Variants in WDR76 observed in about 807,000 individuals in gnomAD.
The protein encoded by WDR76 is WD repeat domain 76.
WDR76 carries 52 observed loss-of-function variants against 70.2 expected under a neutral mutation model. The observed-to-expected ratio is 0.74, with a 90% CI of 0.59 to 0.93. WDR76 has a LOEUF of 0.93. WDR76 is among the 40% of genes least tolerant of loss of function. The pLI, the probability that WDR76 is intolerant of heterozygous loss-of-function variation, is 0.00. For missense variants in WDR76, 756 were observed against 760.2 expected (o/e 0.99, Z 0.07); for synonymous variants, 292 against 271.1 (o/e 1.08, Z -0.76).
intron 8 of WDR76, 94 bp downstream of exon 8, chr15:43,844,148 G>C (rs992311560): frequency 1.7e-6 from 2 of 1,188,328 alleles, no homozygotes; most frequent in Admixed American, 2.9e-5. Context: ...TAAATGTTGC[G>C]TGAGACTTAC....
chr15:43,828,755 G>C (rs2087549606), intron 2 of WDR76, among the ~76,000 whole-genome samples: 1 of 152,118 alleles, frequency 6.6e-6, no homozygotes, highest in South Asian at 2.1e-4. Flanking sequence ...TATCAGGGTA[G>C]GGAAACATAA....
chr15:43,827,962 T>A lies in WDR76; in HGVS notation c.61-3T>A, dbSNP rs768306943. The A allele has an allele frequency of 1.3e-6, 2 of 1,599,506 alleles. No homozygotes were observed. The highest frequency in any genetic ancestry group is 2.3e-5 in the South Asian group (2 of 87,972). On this transcript the variant is annotated splice_polypyrimidine_tract_variant and splice_region_variant and intron_variant, in intron 1 of 12. Transcript: ENST00000263795. Reference sequence around the variant, plus strand: ...TTCTGTTTTCTTTTATTGATCTGAATAGGTAAATGAATATAAAGAAAATCA... The same window carrying A: ...TTCTGTTTTCTTTTATTGATCTGAAAAGGTAAATGAATATAAAGAAAATCA...
rs551578678 is a variant in WDR76 at position 43,844,882 on chromosome 15, C to T, written c.1032+828C>T. Among the ~76,000 whole-genome samples the T allele has an allele frequency of 2.5e-4, 25 of 102,008 alleles. 1 individual carries two copies. The South Asian group carries it at 8.5e-3, about 35-fold the overall frequency. 66.9% of individuals were successfully genotyped at this position (102,008 alleles called of 152,430 possible). ...GGGGGAGCTTGCAGTGAGCCGAGAT[C>T]GCACCACTGCACTCCAGCCTGGGCG... On this transcript the variant is annotated intron_variant, in intron 8 of 12. Coordinates refer to ENST00000263795, the MANE Select transcript of WDR76 (RefSeq NM_024908.4).
intron 9 of WDR76, among the ~76,000 whole-genome samples, chr15:43,852,285 G>A (rs765431701): frequency 1.2e-4 from 19 of 152,102 alleles, no homozygotes; most frequent in African/African-American, 4.6e-4. Flanking sequence ...CCAGGTTCAA[G>A]CAATTCTTCT....
At chr15:43,845,538 A>C (rs986042738) in intron 8 of WDR76, among the ~76,000 whole-genome samples, 2 of 150,222 alleles carry the variant, frequency 1.3e-5, no homozygotes, top group East Asian at 3.8e-4. Context: ...TGGTCTTCCT[A>C]GTCACCAGGA....
chr15:43,865,841 T>C (rs964605235), intron 12 of WDR76, among the ~76,000 whole-genome samples: 1 of 152,240 alleles, frequency 6.6e-6, no homozygotes, highest in South Asian at 2.1e-4. Context: ...GTTAGTGATA[T>C]TAAGGCAAAA....
chr15:43,848,200 CTG>C (rs2087812297), intron 8 of WDR76, among the ~76,000 whole-genome samples: 1 of 152,104 alleles, frequency 6.6e-6, no homozygotes, highest in Non-Finnish European at 1.5e-5. Flanking sequence ...GATTGTGTCA[CTG>C]TACTCCAGGC....
In WDR76 at chr15:43,828,144, G is replaced by A. The variant is rs538982999; in HGVS notation, c.240G>A (p.Ala80=). The change falls in exon 2 of 13, where the codon GCG becomes GCA. Residue 80 remains alanine, a synonymous_variant. Coordinates refer to ENST00000263795, the MANE Select transcript of WDR76 (RefSeq NM_024908.4). The part of the protein sequence containing the change: ...LSEKNSNNEV[A]CKKTKIKKTC... ...AAAAGAATTCTAACAATGAAGTGGC[G>A]TGTAAGAAGACTAAAATAAAGAAAA... 1.2e-4 allele frequency: 196 copies of A among 1,614,116 alleles called. 3 individuals are homozygous for A. The South Asian group carries it at 1.6e-3, about 13-fold the overall frequency.
At chr15:43,832,750 T>TTTG (rs2087607054) in intron 2 of WDR76, among the ~76,000 whole-genome samples, 1 of 129,160 alleles carries the variant, frequency 7.7e-6, no homozygotes, top group Non-Finnish European at 1.7e-5. Context: ...TTTGTTTTTT[T>TTTG]TTTTTTTTTT....
intron 5 of WDR76, among the ~76,000 whole-genome samples, chr15:43,841,351 C>A (rs1365502131): frequency 1.3e-5 from 2 of 151,900 alleles, no homozygotes; most frequent in Non-Finnish European, 2.9e-5. Flanking sequence ...CACCTGCCAC[C>A]ACGCCCGGCT....
At chr15:43,863,611 G>A (rs1254331651) in intron 12 of WDR76, among the ~76,000 whole-genome samples, 2 of 151,366 alleles carry the variant, frequency 1.3e-5, no homozygotes, top group Non-Finnish European at 2.9e-5. Flanking sequence ...CCAGTATGGA[G>A]TGTGGTGGCA....
At chr15:43,863,448 A>G (rs1278452273) in intron 12 of WDR76, among the ~76,000 whole-genome samples, 1 of 152,070 alleles carries the variant, frequency 6.6e-6, no homozygotes, top group Non-Finnish European at 1.5e-5. Context: ...CTGATGTACA[A>G]TAGACCTCTT....
intron 8 of WDR76, among the ~76,000 whole-genome samples, chr15:43,848,624 A>G (rs2087817780): frequency 6.6e-6 from 1 of 152,182 alleles, no homozygotes; most frequent in South Asian, 2.1e-4. Flanking sequence ...CCATACAAGT[A>G]GGTGGTATGA....
rs140347184 is a variant in WDR76, at chr15:43,851,857, C to T, written c.1191+612C>T. Among the ~76,000 whole-genome samples the T allele has an allele frequency of 9.8e-3, 1,483 of 152,066 alleles. 19 individuals are homozygous for T. The highest frequency in any genetic ancestry group is 0.033 in the African/African-American group (1,388 of 41,468). ...GGCTGAGGTGGGAGAATCACTTGAG[C>T]CCAGGAGTTCAAGATCAGCCTGGGC... On this transcript the variant is annotated intron_variant, in intron 9 of 12. Transcript: ENST00000263795.
intron 2 of WDR76, among the ~76,000 whole-genome samples, chr15:43,829,415 A>G (rs2087558793): frequency 6.6e-6 from 1 of 151,366 alleles, no homozygotes; most frequent in Non-Finnish European, 1.5e-5. Flanking sequence ...CTCGTCCCAG[A>G]GTTAAGAACC....
chr15:43,834,417 C>CA (rs2087630411), intron 2 of WDR76, among the ~76,000 whole-genome samples: 1 of 151,450 alleles, frequency 6.6e-6, no homozygotes, highest in Non-Finnish European at 1.5e-5. Flanking sequence ...TTTCCTGCCC[C>CA]GGCCTCCTGA....
chr15:43,860,062 G>A (rs2087977200), intron 11 of WDR76, among the ~76,000 whole-genome samples: 2 of 152,188 alleles, frequency 1.3e-5, no homozygotes, highest in Non-Finnish European at 2.9e-5. Flanking sequence ...ACCAGCCTGG[G>A]CACCAAGGAG....
chr15:43,834,917 C>G, intron 2 of WDR76, 144 bp from the exon 3 acceptor site: 1 of 705,706 alleles, frequency 1.4e-6, no homozygotes, highest in Non-Finnish European at 2.3e-6. Flanking sequence ...CAGCAAACGT[C>G]TGTTTTGGTA....
Position 43,828,234 on chromosome 15 carries a change from A to C in WDR76, c.330A>C (p.Gln110His), listed in dbSNP as rs760925288. ...NTSSKAESTL[Q>H]NSSSAVHTES... ...CTTCCAAGGCAGAATCCACGCTGCA[A>C]AATTCATCCTCAGCTGTTCATACTG... The change falls in exon 2 of 13, where the codon CAA becomes CAC. Residue 110 changes from glutamine to histidine, a missense_variant. Physicochemically the swap from Gln to His is conservative, Grantham distance 24. Transcript: ENST00000263795. The C allele has an allele frequency of 1.2e-6, 2 of 1,614,210 alleles. No individual in the cohort carries two copies. Among genetic ancestry groups the C allele is most frequent in the South Asian group, 1.1e-5 (1 of 91,088 alleles).
Sources: gnomAD v4.1 joint callset for allele counts (sites outside exome capture counted in the v4.1 genomes callset) on GRCh38, gnomAD v4.1.1 for gene constraint, MANE v1.5 for transcripts, NCBI Gene and HGNC (gene_info 2026-07-23, HGNC 2026-07-21) for gene names.